The following DSCAM variants were observed in gnomAD, a reference collection of about 807,000 sequenced individuals.
DSCAM encodes the protein DS cell adhesion molecule, also known as cell adhesion molecule DSCAM.
Under a neutral mutation model 217.7 loss-of-function variants are expected in DSCAM, and 47 were observed. That is an observed-to-expected ratio of 0.22 (90% CI 0.17 to 0.28). The LOEUF (loss-of-function observed/expected upper bound fraction) is 0.28. DSCAM is among the 10% of genes least tolerant of loss of function. DSCAM has a pLI of 1.00. For missense variants in DSCAM, 2,080 were observed against 2,618.3 expected (o/e 0.79, Z 4.49); for synonymous variants, 1,056 against 1,015.3 (o/e 1.04, Z -0.76).
At chr21:40,422,969 T>C (rs556594509) in intron 3 of DSCAM, among the ~76,000 whole-genome samples, 1 of 152,344 alleles carries the variant, frequency 6.6e-6, no homozygotes, top group East Asian at 1.9e-4. Flanking sequence ...GTTAAGTATC[T>C]TTATCTGAGC....
intron 8 of DSCAM, among the ~76,000 whole-genome samples, chr21:40,320,953 C>T (rs2074252730): frequency 6.6e-6 from 1 of 152,164 alleles, no homozygotes; most frequent in African/African-American, 2.4e-5. Flanking sequence ...TAGATAAGTA[C>T]CCTACAAGAG....
intron 3 of DSCAM, among the ~76,000 whole-genome samples, chr21:40,471,190 G>C (rs1261381807): frequency 6.6e-6 from 1 of 152,118 alleles, no homozygotes; most frequent in Non-Finnish European, 1.5e-5. Context: ...TCATCAACTC[G>C]AGCACTTTAC....
chr21:40,324,533 A>G (rs1426378872), intron 8 of DSCAM, among the ~76,000 whole-genome samples: 1 of 152,230 alleles, frequency 6.6e-6, no homozygotes, highest in Non-Finnish European at 1.5e-5. Flanking sequence ...CATATGAAAC[A>G]TCTCTTGAAA....
chr21:40,528,621 G>A (rs2076418530), intron 3 of DSCAM, among the ~76,000 whole-genome samples: 4 of 152,078 alleles, frequency 2.6e-5, no homozygotes, highest in Non-Finnish European at 5.9e-5. Flanking sequence ...TTGTACAAGT[G>A]CATCTTGTCT....
chr21:40,751,813 T>G (rs2091232221), intron 1 of DSCAM, among the ~76,000 whole-genome samples: 1 of 152,150 alleles, frequency 6.6e-6, no homozygotes, highest in Admixed American at 6.6e-5. Flanking sequence ...TTAAGTTACA[T>G]TTTTAAAAGA....
At chr21:40,100,249 A>G (rs2089733394) in intron 20 of DSCAM, among the ~76,000 whole-genome samples, 1 of 152,208 alleles carries the variant, frequency 6.6e-6, no homozygotes, top group Non-Finnish European at 1.5e-5. Flanking sequence ...AAAGAGCAAA[A>G]TGGGAAGAAA....
intron 9 of DSCAM, among the ~76,000 whole-genome samples, chr21:40,304,583 C>G (rs1297165896): frequency 6.6e-6 from 1 of 152,236 alleles, no homozygotes; most frequent in African/African-American, 2.4e-5. Flanking sequence ...GCCTTCCTCA[C>G]TGAATGCAAT....
intron 2 of DSCAM, among the ~76,000 whole-genome samples, chr21:40,693,259 A>G (rs2090557852): frequency 6.6e-6 from 1 of 151,938 alleles, no homozygotes; most frequent in Non-Finnish European, 1.5e-5. Flanking sequence ...ACATGGCAAC[A>G]CCCCATCTCT....
At chr21:40,727,663 A>G (rs150248897) in intron 1 of DSCAM, among the ~76,000 whole-genome samples, 9 of 152,086 alleles carry the variant, frequency 5.9e-5, no homozygotes, top group Admixed American at 5.2e-4. Context: ...CTGGTGCCCA[A>G]TGGGTCTCTC....
At chr21:40,767,888 T>TC (rs67078823) in intron 1 of DSCAM, among the ~76,000 whole-genome samples, 2,985 of 151,056 alleles carry the variant, frequency 0.02, 51 homozygotes, top group African/African-American at 0.051. Flanking sequence ...TTTTCTCTCT[T>TC]TCTCTCTCTC....
chr21:40,515,369 A>G (rs2076291695), intron 3 of DSCAM, among the ~76,000 whole-genome samples: 1 of 152,074 alleles, frequency 6.6e-6, no homozygotes, highest in South Asian at 2.1e-4. Context: ...AAGTTGCCTC[A>G]TTTTCTCCAC....
intron 1 of DSCAM, among the ~76,000 whole-genome samples, chr21:40,735,621 A>C (rs567799808): frequency 2.7e-4 from 41 of 152,318 alleles, no homozygotes; most frequent in South Asian, 1.2e-3. Context: ...CTCAAAGAAC[A>C]ACCACCAGCA....
chr21:40,523,176 G>A (rs2076372881), intron 3 of DSCAM, among the ~76,000 whole-genome samples: 1 of 152,172 alleles, frequency 6.6e-6, no homozygotes, highest in South Asian at 2.1e-4. Context: ...GGGCAGGGAA[G>A]TGTTGGGTAG....
chr21:40,080,125 T>C, intron 25 of DSCAM, 27 bp downstream of exon 25: 1 of 1,186,126 alleles, frequency 8.4e-7, no homozygotes, highest in Non-Finnish European at 1.1e-6. Context: ...GAAAGGATAT[T>C]AAGAAGCGAT....
intron 3 of DSCAM, among the ~76,000 whole-genome samples, chr21:40,509,058 C>G (rs1045237959): frequency 2.0e-5 from 3 of 151,796 alleles, no homozygotes; most frequent in South Asian, 2.1e-4. Flanking sequence ...CTCCCTAATA[C>G]CTAAAACACA....
At chr21:40,609,333 A>G (rs960621604) in intron 3 of DSCAM, among the ~76,000 whole-genome samples, 8 of 152,220 alleles carry the variant, frequency 5.3e-5, no homozygotes, top group African/African-American at 1.9e-4. Context: ...TATGCACATC[A>G]TATGAAATTT....
At chr21:40,763,873 G>A (rs909236921) in intron 1 of DSCAM, among the ~76,000 whole-genome samples, 11 of 152,166 alleles carry the variant, frequency 7.2e-5, no homozygotes, top group Non-Finnish European at 1.5e-4. Flanking sequence ...AAATGGTGCT[G>A]GGAAAACTGG....
intron 10 of DSCAM, among the ~76,000 whole-genome samples, chr21:40,282,055 A>T (rs2073767584): frequency 6.6e-6 from 1 of 152,230 alleles, no homozygotes; most frequent in African/African-American, 2.4e-5. Flanking sequence ...AAATTATCAA[A>T]TTACTTCTTG....
intron 16 of DSCAM, among the ~76,000 whole-genome samples, chr21:40,148,902 A>G (rs1378198466): frequency 6.6e-6 from 1 of 152,148 alleles, no homozygotes; most frequent in Non-Finnish European, 1.5e-5. Context: ...ACTTCTTCCA[A>G]CTTTACCACC....
Sources: gnomAD v4.1 joint callset for allele counts (sites outside exome capture counted in the v4.1 genomes callset) on GRCh38, gnomAD v4.1.1 for gene constraint, MANE v1.5 for transcripts, NCBI Gene and HGNC (gene_info 2026-07-23, HGNC 2026-07-21) for gene names.